The following UACA variants were observed in gnomAD, a reference collection of about 807,000 sequenced individuals.
UACA encodes nuclear membrane binding protein.
UACA carries 112 observed loss-of-function variants against 160.5 expected under a neutral mutation model. The ratio of observed to expected loss-of-function variants is 0.70; its 90% CI spans 0.60 to 0.82. The LOEUF (loss-of-function observed/expected upper bound fraction) is 0.82. Ranked by LOEUF, UACA falls within the 40% of genes least tolerant of loss-of-function variation. UACA has a pLI of 0.00. For synonymous variants in UACA, 557 were observed against 568.4 expected (o/e 0.98, Z 0.29); for missense variants, 1,574 against 1,614.6 (o/e 0.97, Z 0.43).
intron 1 of UACA, chr15:70,749,153 G>A: frequency 2.4e-6 from 1 of 408,994 alleles, no homozygotes; most frequent in Non-Finnish European, 4.9e-6. Context: ...TCGGATCTAA[G>A]TAGCATGCAG....
intron 9 of UACA, 47 bp downstream of exon 9, chr15:70,682,711 A>G (rs1417924510): frequency 8.0e-7 from 1 of 1,248,280 alleles, no homozygotes; most frequent in African/African-American, 1.6e-5. Flanking sequence ...TAAGCACTTT[A>G]AACTATACAA....
At chr15:70,681,685 G>C (rs1314094681) in intron 9 of UACA, 2 of 152,152 alleles carry the variant, frequency 1.3e-5, no homozygotes, top group Non-Finnish European at 2.9e-5. Context: ...GCACAGGGAA[G>C]AAGGCTGGAA....
At chr15:70,710,982 C>T (rs1898666199) in intron 1 of UACA, among the ~76,000 whole-genome samples, 1 of 152,176 alleles carries the variant, frequency 6.6e-6, no homozygotes, top group Non-Finnish European at 1.5e-5. Context: ...AGTTCCAACC[C>T]TCTAATCATG....
At chr15:70,658,974 A>G (rs556357653) in intron 18 of UACA, among the ~76,000 whole-genome samples, 1 of 152,180 alleles carries the variant, frequency 6.6e-6, no homozygotes, top group South Asian at 2.1e-4. Flanking sequence ...ATATTATACA[A>G]AGTGGAAAGG....
intron 1 of UACA, among the ~76,000 whole-genome samples, chr15:70,716,755 G>A (rs1361617148): frequency 1.3e-5 from 2 of 152,030 alleles, no homozygotes; most frequent in African/African-American, 4.8e-5. Flanking sequence ...ATTAGAAAAA[G>A]TATTTTTCCT....
At position 70,666,907 on chromosome 15, in the gene UACA, C is replaced by T. The variant is rs1467479016; in HGVS notation, c.3777G>A (p.Glu1259=). The change falls in exon 16 of 19, where the codon GAG becomes GAA. Residue 1259 remains glutamate (E), a synonymous_variant. Transcript: ENST00000322954. ...NLNRKYEEVC[E]EVLHAKKKEI... is the part of the protein sequence containing the mutation. ...CCTTCTTTTTGGCATGCAAAACTTC[C>T]TCACATACTTCCTCATACTTTCTAT... The T allele has an allele frequency of 1.9e-6, 3 of 1,613,646 alleles. No homozygotes were observed. The highest frequency in any genetic ancestry group is 1.3e-5 in the African/African-American group (1 of 75,012).
At chr15:70,767,260 AAAACAAAAACAAAAAC>A (rs1567007249), upstream of UACA, among the ~76,000 whole-genome samples, 2 of 122,824 alleles carry the variant, frequency 1.6e-5, no homozygotes, top group African/African-American at 8.0e-5. Flanking sequence ...AAAAAAACAA[AAAACAAAAACAAAAAC>A]AACAACAATA....
intron 18 of UACA, among the ~76,000 whole-genome samples, 154 bp downstream of exon 18, chr15:70,659,997 A>C (rs1435715965): frequency 6.6e-6 from 1 of 152,224 alleles, no homozygotes; most frequent in Non-Finnish European, 1.5e-5. Flanking sequence ...TGGGAGATCC[A>C]CAAACAATGA....
At chr15:70,680,298 C>T (rs1236020659) in intron 9 of UACA, among the ~76,000 whole-genome samples, 1 of 152,020 alleles carries the variant, frequency 6.6e-6, no homozygotes, top group African/African-American at 2.4e-5. Flanking sequence ...AATTATTAAA[C>T]AAGAGAATAA....
At chr15:70,777,126 G>T in the UACA span, among the ~76,000 whole-genome samples, 1 of 152,180 alleles carries the variant, frequency 6.6e-6, no homozygotes, top group South Asian at 2.1e-4. Flanking sequence ...GATCTTGAAG[G>T]TTGAGCCAAC....
intron 13 of UACA, among the ~76,000 whole-genome samples, chr15:70,675,900 C>T (rs1200699204): frequency 3.9e-5 from 6 of 152,148 alleles, no homozygotes; most frequent in Non-Finnish European, 8.8e-5. Context: ...CAGCAAAAGG[C>T]CCTCACCAGA....
intron 1 of UACA, among the ~76,000 whole-genome samples, chr15:70,752,942 T>C (rs1273446365): frequency 6.6e-6 from 1 of 152,212 alleles, no homozygotes; most frequent in African/African-American, 2.4e-5. Context: ...AATTAGAGGC[T>C]TTTATACGAC....
intron 1 of UACA, among the ~76,000 whole-genome samples, chr15:70,735,238 T>A (rs542752939): frequency 6.8e-6 from 1 of 148,122 alleles, no homozygotes. Context: ...AACTGCATAC[T>A]GCGTACTATG....
chr15:70,687,666 A>T lies in UACA; in HGVS notation c.496-20T>A. 1 of 1,613,720 alleles carries T rather than the reference A, an allele frequency of 6.2e-7. No homozygotes were observed. Among genetic ancestry groups the T allele is most frequent in the Non-Finnish European group, 8.5e-7 (1 of 1,179,722 alleles). On this transcript the variant is annotated intron_variant, in intron 6 of 18. Coordinates refer to ENST00000322954, the MANE Select transcript of UACA (RefSeq NM_018003.4). ...CCCGTCCTAAGCAACAGGAAAAATAAAACAGCATTAAGACAACAGATCTCC... is the reference window on the plus strand; with the variant it reads ...CCCGTCCTAAGCAACAGGAAAAATATAACAGCATTAAGACAACAGATCTCC...
At chr15:70,717,927 G>T (rs1224676265) in intron 1 of UACA, among the ~76,000 whole-genome samples, 3 of 151,734 alleles carry the variant, frequency 2.0e-5, no homozygotes, top group Non-Finnish European at 4.4e-5. Flanking sequence ...CCTCAAGACT[G>T]TAACATGAAA....
At chr15:70,664,184 T>C (rs1009823120) in intron 17 of UACA, among the ~76,000 whole-genome samples, 3 of 152,178 alleles carry the variant, frequency 2.0e-5, no homozygotes, top group African/African-American at 7.2e-5. Context: ...TCCTTCTATA[T>C]AAGGTATAAA....
chr15:70,772,231 C>T, the UACA span, among the ~76,000 whole-genome samples: 3 of 152,046 alleles, frequency 2.0e-5, no homozygotes, highest in Non-Finnish European at 2.9e-5. Context: ...CGGTGGCTCA[C>T]GCCTGTAATC....
chr15:70,710,675 A>C (rs1462729209), intron 1 of UACA, among the ~76,000 whole-genome samples: 1 of 152,236 alleles, frequency 6.6e-6, no homozygotes. Flanking sequence ...GGACTCAGGG[A>C]AACACTTTAC....
Position 70,655,965 on chromosome 15 carries a change from G to A in UACA, c.*1091C>T, listed in dbSNP as rs928947422. 8.5e-5 allele frequency: 13 copies of A among 152,166 alleles called. No individual in the cohort carries two copies. Among genetic ancestry groups the A allele is most frequent in the Admixed American group, 8.5e-4 (13 of 15,288 alleles). The allele number at this position is 152,166 out of a possible 1,614,324, so 9.4% of individuals were successfully genotyped here. A position where few individuals can be genotyped will look rare whatever the true frequency, so the allele number is the denominator to read the frequency against. Reference sequence around the variant, plus strand: ...ACAAGACATATAAACTTTCCCTAATGAGATGCAGTTAATAAAAACGGTTGT... The same window carrying A: ...ACAAGACATATAAACTTTCCCTAATAAGATGCAGTTAATAAAAACGGTTGT... On this transcript the variant is annotated 3_prime_UTR_variant, in exon 19 of 19. Coordinates refer to ENST00000322954, the MANE Select transcript of UACA (RefSeq NM_018003.4).
Sources: allele counts gnomAD v4.1 joint callset (sites outside exome capture counted in the v4.1 genomes callset), GRCh38; gene constraint gnomAD v4.1.1; transcripts MANE v1.5; gene names NCBI Gene and HGNC (gene_info 2026-07-23, HGNC 2026-07-21).